The following PTPRO variants were observed in gnomAD, a reference collection of about 807,000 sequenced individuals.
The protein encoded by PTPRO is receptor-type tyrosine-protein phosphatase O.
In PTPRO, 62 loss-of-function variants were observed where a neutral mutation model predicts 145.2. That is an observed-to-expected ratio of 0.43 (90% CI 0.35 to 0.53). The LOEUF (loss-of-function observed/expected upper bound fraction) is 0.53, where lower values mean the gene tolerates loss of function less well. Among genes scored for constraint, PTPRO ranks in the 20% least tolerant of loss-of-function variants. PTPRO has a pLI of 0.01. For missense variants in PTPRO, 1,345 were observed against 1,482.7 expected, an observed-to-expected ratio of 0.91 and a Z score of 1.53; for synonymous variants, 565 against 514.7, an observed-to-expected ratio of 1.10 and a Z score of -1.32.
chr12:15,465,713 G>A (rs1470692479), intron 1 of PTPRO, among the ~76,000 whole-genome samples: 2 of 152,172 alleles, frequency 1.3e-5, no homozygotes, highest in African/African-American at 4.8e-5. Flanking sequence ...GCATAAATAG[G>A]ACATAGACAG....
At chr12:15,332,771 T>C (rs956619643) in intron 1 of PTPRO, among the ~76,000 whole-genome samples, 1 of 152,206 alleles carries the variant, frequency 6.6e-6, no homozygotes. Flanking sequence ...TTTTGTTGTT[T>C]TGTTGATTTG....
rs1555095980 is a variant in PTPRO at position 15,583,499 on chromosome 12, A to AC, written c.3255+1698_3255+1699insC. 5.3e-3 allele frequency among the ~76,000 whole-genome samples: 750 copies of AC among 141,134 alleles called. 2 individuals are homozygous for AC. Among genetic ancestry groups the AC allele is most frequent in the East Asian group, 0.014 (65 of 4,622 alleles). 92.6% of individuals were successfully genotyped at this position (141,134 alleles called of 152,430 possible). On this transcript the variant is annotated intron_variant, in intron 23 of 26. Transcript: ENST00000281171. ...TATCTCCACACACACACACACACACAAAAAAAATCAACAAGAAAAATAGTA... is the reference window on the plus strand; with the variant it reads ...TATCTCCACACACACACACACACACACAAAAAAATCAACAAGAAAAATAGTA...
At chr12:15,438,296 T>C (rs1001563234) in intron 1 of PTPRO, among the ~76,000 whole-genome samples, 1 of 152,104 alleles carries the variant, frequency 6.6e-6, no homozygotes, top group Non-Finnish European at 1.5e-5. Context: ...TCTAGCACCA[T>C]GAAAAAACCT....
At chr12:15,378,317 TG>T (rs1429422092) in intron 1 of PTPRO, among the ~76,000 whole-genome samples, 5 of 151,966 alleles carry the variant, frequency 3.3e-5, no homozygotes, top group Non-Finnish European at 7.4e-5. Flanking sequence ...ACAGCCCTAT[TG>T]TCCTTATAAA....
chr12:15,503,777 G>A (rs1376909822), intron 5 of PTPRO, 131 bp from the exon 6 acceptor site: 4 of 649,036 alleles, frequency 6.2e-6, no homozygotes, highest in Non-Finnish European at 1.1e-5. Flanking sequence ...TTAGTTTAGA[G>A]GTGTAATTGA....
At chr12:15,567,634 AACTTTAAGGTCGATAC>A (rs538687787) in intron 18 of PTPRO, among the ~76,000 whole-genome samples, 6 of 152,222 alleles carry the variant, frequency 3.9e-5, no homozygotes, top group African/African-American at 1.4e-4. Flanking sequence ...TGTTAAATCC[AACTTTAAGGTCGATAC>A]ACTGCCCAAA....
At chr12:15,379,908 A>G (rs138826596) in intron 1 of PTPRO, among the ~76,000 whole-genome samples, 1 of 152,286 alleles carries the variant, frequency 6.6e-6, no homozygotes, top group African/African-American at 2.4e-5. Context: ...ATGTCATTTA[A>G]AGTAATTGTG....
At chr12:15,334,014 G>A (rs576388734) in intron 1 of PTPRO, among the ~76,000 whole-genome samples, 2 of 152,106 alleles carry the variant, frequency 1.3e-5, no homozygotes, top group Non-Finnish European at 2.9e-5. Context: ...TTGGCTCTAC[G>A]GTTTGAAAAT....
intron 24 of PTPRO, among the ~76,000 whole-genome samples, chr12:15,589,151 A>C (rs1190047268): frequency 6.6e-6 from 1 of 152,140 alleles, no homozygotes; most frequent in Non-Finnish European, 1.5e-5. Flanking sequence ...CGAGGTGGGA[A>C]GATCACCTGA....
At chr12:15,374,765 A>G (rs1272888569) in intron 1 of PTPRO, among the ~76,000 whole-genome samples, 1 of 152,214 alleles carries the variant, frequency 6.6e-6, no homozygotes, top group Non-Finnish European at 1.5e-5. Flanking sequence ...AAGAGCCTGA[A>G]CAAAAACATA....
rs746126800 is a variant in PTPRO at position 15,371,602 on chromosome 12, A to G, written c.75+48801A>G. Among the ~76,000 whole-genome samples the G allele has an allele frequency of 6.6e-5, 10 of 152,228 alleles. 1 individual carries two copies. Among genetic ancestry groups the G allele is most frequent in the Non-Finnish European group, 1.2e-4 (8 of 68,026 alleles). ...GCCCTACCCATTCACTAAGGCTGAC[A>G]TAATATTGTATGTGTGTGTGTGTTT... On this transcript the variant is annotated intron_variant, in intron 1 of 26. Transcript: ENST00000281171.
chr12:15,324,106 T>C (rs1314769309), intron 1 of PTPRO, among the ~76,000 whole-genome samples: 1 of 152,204 alleles, frequency 6.6e-6, no homozygotes, highest in African/African-American at 2.4e-5. Flanking sequence ...TGTTCTTTCA[T>C]ACACATCATA....
intron 1 of PTPRO, among the ~76,000 whole-genome samples, chr12:15,415,435 A>G (rs1048595558): frequency 6.1e-5 from 9 of 148,574 alleles, no homozygotes; most frequent in Admixed American, 3.4e-4. Flanking sequence ...CCCAGGCTGG[A>G]GTGCAGTGGT....
At chr12:15,382,873 C>T (rs959310787) in intron 1 of PTPRO, among the ~76,000 whole-genome samples, 2 of 152,042 alleles carry the variant, frequency 1.3e-5, no homozygotes, top group Non-Finnish European at 2.9e-5. Flanking sequence ...TGGGGTACAG[C>T]GTTATGGTTT....
rs114100091 is a variant in PTPRO at position 15,481,636 on chromosome 12, G to T, written c.76-2338G>T. On this transcript the variant is annotated intron_variant, in intron 1 of 26. Transcript: ENST00000281171. ...CAGCTGGAAATAACATGCAGTTCCC[G>T]ACCTTAGAGTACTTATGGTCTAGTA... 4.1e-3 allele frequency among the ~76,000 whole-genome samples: 620 copies of T among 152,204 alleles called. 5 individuals carry two copies. The highest frequency in any genetic ancestry group is 0.014 in the African/African-American group (586 of 41,516).
intron 1 of PTPRO, among the ~76,000 whole-genome samples, chr12:15,434,218 C>T (rs1940532839): frequency 6.6e-6 from 1 of 152,092 alleles, no homozygotes; most frequent in African/African-American, 2.4e-5. Context: ...TTTAAACTTG[C>T]CTTTTTAGTT....
At chr12:15,440,119 C>A in intron 1 of PTPRO, 1 of 642,452 alleles carries the variant, frequency 1.6e-6, no homozygotes, top group Admixed American at 2.2e-5. Context: ...TCCCTGAGTC[C>A]AGGAACATTG....
At chr12:15,367,906 T>A (rs1222315888) in intron 1 of PTPRO, among the ~76,000 whole-genome samples, 1 of 152,192 alleles carries the variant, frequency 6.6e-6, no homozygotes, top group Non-Finnish European at 1.5e-5. Flanking sequence ...AAGGGAGTCA[T>A]AGCTCTACTC....
intron 19 of PTPRO, among the ~76,000 whole-genome samples, chr12:15,573,140 G>A (rs548740468): frequency 1.3e-5 from 2 of 152,252 alleles, no homozygotes; most frequent in Admixed American, 6.5e-5. Context: ...GGCTTTTGAG[G>A]TTATGGAGGC....
Sources: gnomAD v4.1 joint callset for allele counts (sites outside exome capture counted in the v4.1 genomes callset) on GRCh38, gnomAD v4.1.1 for gene constraint, MANE v1.5 for transcripts, NCBI Gene and HGNC (gene_info 2026-07-23, HGNC 2026-07-21) for gene names.